PRKCA: variants seen among roughly 807,000 people sequenced by gnomAD.
The protein encoded by PRKCA is protein kinase C alpha type.
PRKCA carries 27 observed loss-of-function variants against 87.0 expected under a neutral mutation model. The ratio of observed to expected loss-of-function variants is 0.31; its 90% CI spans 0.23 to 0.43. The LOEUF is 0.43. Ranked by LOEUF, PRKCA falls within the 20% of genes least tolerant of loss-of-function variation. PRKCA has a pLI of 1.00. For missense variants in PRKCA, 518 were observed against 852.3 expected (o/e 0.61, Z 4.88); for synonymous variants, 329 against 311.1 (o/e 1.06, Z -0.61).
chr17:66,717,542 G>C (rs1973508470), intron 8 of PRKCA, among the ~76,000 whole-genome samples: 1 of 152,152 alleles, frequency 6.6e-6, no homozygotes, highest in Non-Finnish European at 1.5e-5. Flanking sequence ...CTATCCCCAA[G>C]TTGCTTTTGA....
At chr17:66,783,074 A>G (rs1208788670) in intron 14 of PRKCA, among the ~76,000 whole-genome samples, 2 of 152,168 alleles carry the variant, frequency 1.3e-5, no homozygotes, top group African/African-American at 4.8e-5. Context: ...AAACGTGAGG[A>G]GCAGAGACAT....
At chr17:66,505,042 A>G (rs1478634292) in intron 3 of PRKCA, among the ~76,000 whole-genome samples, 1 of 152,224 alleles carries the variant, frequency 6.6e-6, no homozygotes, top group Non-Finnish European at 1.5e-5. Flanking sequence ...GTGATGCCAC[A>G]GGAAACCTTA....
intron 16 of PRKCA, among the ~76,000 whole-genome samples, 200 bp downstream of exon 16, chr17:66,789,179 G>A (rs1372239944): frequency 6.6e-6 from 1 of 152,212 alleles, no homozygotes; most frequent in Non-Finnish European, 1.5e-5. Context: ...AGTAAGGACC[G>A]ATAAGGCAGG....
intron 3 of PRKCA, among the ~76,000 whole-genome samples, chr17:66,613,620 C>T (rs933720429): frequency 6.6e-6 from 1 of 152,062 alleles, no homozygotes; most frequent in Admixed American, 6.6e-5. Context: ...TCCCAGCAAC[C>T]CCTGTGTTCC....
At chr17:66,491,035 A>G (rs1470950344) in intron 2 of PRKCA, among the ~76,000 whole-genome samples, 1 of 152,196 alleles carries the variant, frequency 6.6e-6, no homozygotes, top group Non-Finnish European at 1.5e-5. Flanking sequence ...GGGTGTTCTC[A>G]GTTTTAAAGC....
rs61549626 is a variant in PRKCA, at chr17:66,556,323, C to CTTT, written c.288+60056_288+60058dup. 3.3e-3 allele frequency among the ~76,000 whole-genome samples: 429 copies of CTTT among 128,918 alleles called. 7 individuals are homozygous for CTTT. Among genetic ancestry groups the CTTT allele is most frequent in the Middle Eastern group, 8.8e-3 (2 of 226 alleles). The allele number at this position is 128,918 out of a possible 152,430, so 84.6% of individuals were successfully genotyped here. On this transcript the variant is annotated intron_variant, in intron 3 of 16. Coordinates refer to ENST00000413366, the MANE Select transcript of PRKCA (RefSeq NM_002737.3). Reference sequence around the variant, plus strand: ...TGAGAATAATCTTTTCTTTCTTCTTCTTTTTTTTTTTTTTTTTTGGTCAAG... The same window carrying CTTT: ...TGAGAATAATCTTTTCTTTCTTCTTCTTTTTTTTTTTTTTTTTTTTTGGTCAAG...
At chr17:66,314,995 ATGTGTATATATG>A (rs1323024514) in intron 2 of PRKCA, among the ~76,000 whole-genome samples, 2 of 151,716 alleles carry the variant, frequency 1.3e-5, no homozygotes, top group East Asian at 3.9e-4. Context: ...GTGTATATAT[ATGTGTATATATG>A]TGTGTATATA....
At chr17:66,684,865 A>T (rs967042091) in intron 5 of PRKCA, among the ~76,000 whole-genome samples, 4 of 152,210 alleles carry the variant, frequency 2.6e-5, no homozygotes, top group Admixed American at 1.3e-4. Flanking sequence ...TCTGCCTTTT[A>T]AAAAGCATCT....
intron 13 of PRKCA, among the ~76,000 whole-genome samples, chr17:66,750,788 T>C (rs1165067596): frequency 6.6e-6 from 1 of 152,208 alleles, no homozygotes; most frequent in African/African-American, 2.4e-5. Flanking sequence ...TCCTGGATGG[T>C]GAAACTGAGG....
chr17:66,666,917 G>A (rs1972059669), intron 5 of PRKCA, among the ~76,000 whole-genome samples: 2 of 152,180 alleles, frequency 1.3e-5, no homozygotes, highest in Admixed American at 1.3e-4. Context: ...GACTAGTAAC[G>A]TAGACTTTGG....
intron 8 of PRKCA, among the ~76,000 whole-genome samples, chr17:66,709,301 CTTTTTTT>C (rs552633887): frequency 7.9e-4 from 67 of 84,902 alleles, no homozygotes; most frequent in East Asian, 7.0e-3. Context: ...GAGATGATTT[CTTTTTTT>C]TTTTTTTTTT....
chr17:66,596,571 C>CTTTTTTTTTTTTTTTTT (rs10582567), intron 3 of PRKCA, among the ~76,000 whole-genome samples: 2 of 113,872 alleles, frequency 1.8e-5, no homozygotes, highest in Non-Finnish European at 3.4e-5. Flanking sequence ...AATATTAAAC[C>CTTTTTTTTTTTTTTTTT]TTTTTTTTTT....
At chr17:66,334,760 C>G (rs1042561449) in intron 2 of PRKCA, among the ~76,000 whole-genome samples, 7 of 152,310 alleles carry the variant, frequency 4.6e-5, no homozygotes, top group African/African-American at 1.7e-4. Context: ...TTCTGGGTAT[C>G]TGCCCATAAG....
intron 2 of PRKCA, among the ~76,000 whole-genome samples, chr17:66,349,138 G>C (rs974063000): frequency 1.3e-5 from 2 of 152,144 alleles, no homozygotes; most frequent in African/African-American, 4.8e-5. Flanking sequence ...CTCTCTTCCT[G>C]TCCATAATTT....
intron 13 of PRKCA, among the ~76,000 whole-genome samples, chr17:66,750,442 T>A (rs1974403168): frequency 6.6e-6 from 1 of 152,180 alleles, no homozygotes; most frequent in Non-Finnish European, 1.5e-5. Flanking sequence ...TTCTTTAAGT[T>A]GTGCGATTCT....
At chr17:66,380,586 A>G (rs1000959378) in intron 2 of PRKCA, among the ~76,000 whole-genome samples, 10 of 152,184 alleles carry the variant, frequency 6.6e-5, no homozygotes, top group African/African-American at 2.2e-4. Context: ...AAATACTGCT[A>G]TATTTTTGAA....
chr17:66,409,651 T>C (rs1207515715), intron 2 of PRKCA, among the ~76,000 whole-genome samples: 2 of 152,266 alleles, frequency 1.3e-5, no homozygotes, highest in East Asian at 1.9e-4. Context: ...GACTCAGGGC[T>C]GGGCGCGGTG....
intron 3 of PRKCA, among the ~76,000 whole-genome samples, chr17:66,614,897 A>C (rs1036029136): frequency 6.6e-6 from 1 of 152,214 alleles, no homozygotes; most frequent in South Asian, 2.1e-4. Context: ...TGTATACAGT[A>C]CAAAAATTCC....
At chr17:66,490,446 C>T (rs1007517085) in intron 2 of PRKCA, among the ~76,000 whole-genome samples, 2 of 151,682 alleles carry the variant, frequency 1.3e-5, no homozygotes, top group African/African-American at 2.4e-5. Context: ...TGGGTTCAAG[C>T]GATTTTTCTG....
Sources: gnomAD v4.1 joint callset for allele counts (sites outside exome capture counted in the v4.1 genomes callset) on GRCh38, gnomAD v4.1.1 for gene constraint, MANE v1.5 for transcripts, NCBI Gene and HGNC (gene_info 2026-07-23, HGNC 2026-07-21) for gene names.